PDZD2: variants seen among roughly 807,000 people sequenced by gnomAD.
PDZD2 encodes PDZ domain-containing protein 2.
In PDZD2, 90 loss-of-function variants were observed where a neutral mutation model predicts 220.7. The observed-to-expected ratio is 0.41, with a 90% CI of 0.34 to 0.49. PDZD2 has a LOEUF of 0.49. Among genes scored for constraint, PDZD2 ranks in the 20% least tolerant of loss-of-function variants. The pLI, the probability that PDZD2 is intolerant of heterozygous loss-of-function variation, is 0.28. For missense variants in PDZD2, 3,174 were observed against 3,608.5 expected (o/e 0.88, Z 3.08); for synonymous variants, 1,375 against 1,450.5 (o/e 0.95, Z 1.18).
intron 2 of PDZD2, among the ~76,000 whole-genome samples, chr5:31,944,125 T>A (rs1026624075): frequency 2.6e-5 from 4 of 152,236 alleles, no homozygotes; most frequent in Admixed American, 1.3e-4. Context: ...TTTAGGGTAT[T>A]GTTTTTCCAG....
Position 32,010,476 on chromosome 5 carries a change from G to A in PDZD2, c.1401G>A (p.Gln467=), listed in dbSNP as rs1161605964. Reference sequence around the variant, plus strand: ...ACGAAGGAACCAGCTCTTCTGTCCAGAGAGCAGTAAGTGGCTCTGTGCTCC... The same window carrying A: ...ACGAAGGAACCAGCTCTTCTGTCCAAAGAGCAGTAAGTGGCTCTGTGCTCC... ...EEDEGTSSSV[Q]RAMPGTDEPQ... is the part of the protein sequence containing the mutation. Residue 467 remains glutamine (Q), a synonymous_variant, in exon 6 of 25, where the codon CAG becomes CAA. Transcript: ENST00000438447. 5 of 1,610,160 alleles carry A rather than the reference G, an allele frequency of 3.1e-6. No homozygotes were observed. Among genetic ancestry groups the A allele is most frequent in the Non-Finnish European group, 4.2e-6 (5 of 1,176,956 alleles).
chr5:31,641,094 G>A (rs1744932342), intron 1 of PDZD2, among the ~76,000 whole-genome samples: 1 of 152,024 alleles, frequency 6.6e-6, no homozygotes. Flanking sequence ...TTTATTTTTG[G>A]AATACCTGTG....
intron 2 of PDZD2, among the ~76,000 whole-genome samples, chr5:31,965,794 G>T (rs539260797): frequency 2.0e-5 from 3 of 152,250 alleles, no homozygotes; most frequent in African/African-American, 7.2e-5. Flanking sequence ...AGCTACTCGG[G>T]AGACTGAGAC....
intron 2 of PDZD2, among the ~76,000 whole-genome samples, chr5:31,806,830 C>T (rs898206646): frequency 2.0e-5 from 3 of 151,518 alleles, no homozygotes; most frequent in African/African-American, 7.3e-5. Context: ...TTAATTAAAA[C>T]AAAACCCACA....
rs896710632 is a variant in PDZD2, at chr5:31,855,122, C to T, written c.476+55398C>T. On this transcript the variant is annotated intron_variant, in intron 2 of 24. Coordinates refer to ENST00000438447, the MANE Select transcript of PDZD2 (RefSeq NM_178140.4). ...CCCAGCTGCTGCCGGCGGAGACTCC[C>T]AGGAGCTCCGGAGAGGAACCCTCCG... is the stretch of plus-strand genomic sequence containing the variant. 7 of 985,162 alleles carry T rather than the reference C, an allele frequency of 7.1e-6. No homozygotes were observed. In the South Asian group the frequency reaches 1.9e-4, roughly 26 times the overall value. The allele number at this position is 985,162 out of a possible 1,614,324, so 61.0% of individuals were successfully genotyped here.
chr5:31,922,879 C>T (rs570632808), intron 2 of PDZD2, among the ~76,000 whole-genome samples: 8 of 152,178 alleles, frequency 5.3e-5, no homozygotes, highest in Non-Finnish European at 1.0e-4. Context: ...GGGATTTTAC[C>T]ATGTTGGCCA....
chr5:32,064,317 C>T (rs1377635441), intron 14 of PDZD2, among the ~76,000 whole-genome samples: 2 of 152,086 alleles, frequency 1.3e-5, no homozygotes, highest in Admixed American at 1.3e-4. Context: ...TCTCAGCTCA[C>T]AGCAACCTCT....
At chr5:32,035,170 T>C (rs1561405375) in intron 6 of PDZD2, among the ~76,000 whole-genome samples, 1 of 152,230 alleles carries the variant, frequency 6.6e-6, no homozygotes, top group East Asian at 1.9e-4. Context: ...ACATATTGTA[T>C]ACAGAATTTG....
intron 14 of PDZD2, among the ~76,000 whole-genome samples, chr5:32,066,843 G>A (rs1446658313): frequency 6.6e-6 from 1 of 152,148 alleles, no homozygotes; most frequent in Non-Finnish European, 1.5e-5. Flanking sequence ...TCTGGTGGCC[G>A]CCATGCCATT....
At chr5:31,883,900 C>T (rs1160040601) in intron 2 of PDZD2, among the ~76,000 whole-genome samples, 1 of 152,092 alleles carries the variant, frequency 6.6e-6, no homozygotes, top group Non-Finnish European at 1.5e-5. Flanking sequence ...AGTGCCTGGC[C>T]CTATTCTCTA....
chr5:31,863,019 C>A (rs569628460), intron 2 of PDZD2, among the ~76,000 whole-genome samples: 12 of 152,294 alleles, frequency 7.9e-5, no homozygotes, highest in African/African-American at 2.4e-4. Flanking sequence ...GCTGGGATTA[C>A]AGGCGTGAGC....
intron 2 of PDZD2, among the ~76,000 whole-genome samples, chr5:31,919,599 G>A (rs940396755): frequency 1.3e-4 from 19 of 151,590 alleles, no homozygotes; most frequent in African/African-American, 4.6e-4. Flanking sequence ...TGCCTGCCTC[G>A]GCAACCCAGA....
intron 1 of PDZD2, among the ~76,000 whole-genome samples, chr5:31,701,194 A>AAT (rs200569170): frequency 0.016 from 1,840 of 117,824 alleles, 16 homozygotes; most frequent in African/African-American, 0.03. Context: ...AGGCCTGGAA[A>AAT]ATATATATAT....
chr5:31,994,073 A>G (rs2111957002), intron 3 of PDZD2, among the ~76,000 whole-genome samples: 1 of 152,236 alleles, frequency 6.6e-6, no homozygotes, highest in Non-Finnish European at 1.5e-5. Context: ...GATGGAGCAC[A>G]GTGGTGTGAT....
chr5:32,054,091 T>A (rs1022869557), intron 10 of PDZD2, among the ~76,000 whole-genome samples: 1 of 152,056 alleles, frequency 6.6e-6, no homozygotes, highest in Non-Finnish European at 1.5e-5. Flanking sequence ...CAGGATTACA[T>A]GAGATAATAT....
At chr5:31,975,923 G>A (rs994239351) in intron 2 of PDZD2, among the ~76,000 whole-genome samples, 2 of 150,132 alleles carry the variant, frequency 1.3e-5, no homozygotes, top group African/African-American at 4.9e-5. Context: ...CCCGCCTCAG[G>A]CTCCCAAGTA....
Position 31,670,509 on chromosome 5 carries a change from C to T in PDZD2, c.-361+31072C>T, listed in dbSNP as rs374533782. Among the ~76,000 whole-genome samples, 39 of 152,212 alleles carry T rather than the reference C, an allele frequency of 2.6e-4. No individual in the cohort carries two copies. In the East Asian group the frequency reaches 7.3e-3, roughly 29 times the overall value. On this transcript the variant is annotated intron_variant, in intron 1 of 24. Coordinates refer to ENST00000438447, the MANE Select transcript of PDZD2 (RefSeq NM_178140.4). ...TCAGCTCACTGCAACCTCCGCCTCC[C>T]GGGTTCAAACGATGCTCCTGCCTCA...
chr5:31,748,266 C>T (rs1207586856), intron 1 of PDZD2, among the ~76,000 whole-genome samples: 1 of 152,192 alleles, frequency 6.6e-6, no homozygotes, highest in Non-Finnish European at 1.5e-5. Flanking sequence ...GTTGTTGTCA[C>T]ATCTATTTGC....
chr5:31,989,927 T>C (rs1023503479), intron 3 of PDZD2, among the ~76,000 whole-genome samples: 1 of 152,192 alleles, frequency 6.6e-6, no homozygotes, highest in Non-Finnish European at 1.5e-5. Context: ...CCTGCCTCAG[T>C]TCTGCCATCC....
Sources: gnomAD v4.1 joint callset for allele counts (sites outside exome capture counted in the v4.1 genomes callset) on GRCh38, gnomAD v4.1.1 for gene constraint, MANE v1.5 for transcripts, NCBI Gene and HGNC (gene_info 2026-07-23, HGNC 2026-07-21) for gene names.